Variants in RIMKLB observed in about 807,000 individuals in gnomAD.
The protein encoded by RIMKLB is ribosomal modification protein rimK like family member B, also known as beta-citrylglutamate synthase B.
Under a neutral mutation model 32.0 loss-of-function variants are expected in RIMKLB, and 7 were observed. The ratio of observed to expected loss-of-function variants is 0.22; its 90% confidence interval spans 0.12 to 0.41. The LOEUF is 0.41. RIMKLB is among the 10% of genes least tolerant of loss of function. The pLI is 1.00. For synonymous variants in RIMKLB, 172 were observed against 185.1 expected, an observed-to-expected ratio of 0.93 and a Z score of 0.57; for missense variants, 289 against 498.7, an observed-to-expected ratio of 0.58 and a Z score of 4.00.
intron 2 of RIMKLB, among the ~76,000 whole-genome samples, chr12:8,718,683 G>C (rs1945136857): frequency 6.6e-6 from 1 of 150,468 alleles, no homozygotes; most frequent in Non-Finnish European, 1.5e-5. Context: ...GTGTGTGTGT[G>C]TGTGTGTGTG....
In RIMKLB at chr12:8,734,093, A is replaced by T. The variant is rs180743268; in HGVS notation, c.176-15769A>T. On this transcript the variant is annotated intron_variant, in intron 2 of 5. Coordinates refer to ENST00000535829, the MANE Select transcript of RIMKLB (RefSeq NM_001297776.2). Reference sequence around the variant, plus strand: ...ATAAGGTACTTGGAGAACACAGAGGAATTATCTGGTAAGGCAAAGGAATGG... The same window carrying T: ...ATAAGGTACTTGGAGAACACAGAGGTATTATCTGGTAAGGCAAAGGAATGG... Among the ~76,000 whole-genome samples, 5 of 152,308 alleles carry T rather than the reference A, an allele frequency of 3.3e-5. No homozygotes were observed. In the East Asian group the frequency reaches 9.7e-4, roughly 29 times the overall value.
chr12:8,772,963 G>A (rs953808644), intron 5 of RIMKLB, among the ~76,000 whole-genome samples: 13 of 152,212 alleles, frequency 8.5e-5, no homozygotes, highest in Admixed American at 2.6e-4. Flanking sequence ...CCCATCCTCC[G>A]TTCTGTTATG....
At chr12:8,734,478 AC>A (rs1186973143) in intron 2 of RIMKLB, among the ~76,000 whole-genome samples, 18 of 152,168 alleles carry the variant, frequency 1.2e-4, no homozygotes, top group African/African-American at 4.3e-4. Context: ...TCACCTTAAT[AC>A]CTTTATTATG....
intron 5 of RIMKLB, among the ~76,000 whole-genome samples, chr12:8,755,402 C>G (rs1591917241): frequency 6.6e-6 from 1 of 152,110 alleles, no homozygotes; most frequent in Admixed American, 6.5e-5. Flanking sequence ...CATCCAGCCT[C>G]TCTCTATTGG....
chr12:8,729,058 CTT>C (rs1028708642), intron 2 of RIMKLB, among the ~76,000 whole-genome samples: 3 of 152,128 alleles, frequency 2.0e-5, no homozygotes, highest in African/African-American at 7.2e-5. Context: ...CAAGAGCAAA[CTT>C]CATACTGGCG....
rs989392663 is a variant in RIMKLB, at chr12:8,775,831, G to T, written c.*2047G>T. 9 of 984,778 alleles carry T rather than the reference G, an allele frequency of 9.1e-6. No homozygotes were observed. The highest frequency in any genetic ancestry group is 1.1e-5 in the Non-Finnish European group (9 of 829,354). The allele number at this position is 984,778 out of a possible 1,614,324, so 61.0% of individuals were successfully genotyped here. A position where few individuals can be genotyped will look rare whatever the true frequency, so the allele number is the denominator to read the frequency against. ...AAGAGGAGTTTGTAATTTATCTTAG[G>T]ATATTCTAATTGCATTTAAAAGAAC... On this transcript the variant is annotated 3_prime_UTR_variant, in exon 6 of 6. Coordinates refer to ENST00000535829, the MANE Select transcript of RIMKLB (RefSeq NM_001297776.2).
downstream of RIMKLB, chr12:8,777,494 A>C: frequency 8.9e-7 from 1 of 1,126,308 alleles, no homozygotes. Flanking sequence ...TATATTAATG[A>C]AAGTTTGGCC....
intron 2 of RIMKLB, among the ~76,000 whole-genome samples, chr12:8,719,108 T>G (rs1350828346): frequency 1.3e-5 from 2 of 152,182 alleles, no homozygotes; most frequent in Non-Finnish European, 2.9e-5. Flanking sequence ...ACCCTCTGAC[T>G]GTCTCCACAG....
At chr12:8,705,476 C>CA (rs10607711) in intron 1 of RIMKLB, among the ~76,000 whole-genome samples, 1,244 of 105,252 alleles carry the variant, frequency 0.012, 19 homozygotes, top group African/African-American at 0.027. Flanking sequence ...GACTCCATCT[C>CA]AAAAAAAAAA....
chr12:8,772,269 G>C (rs77223415), intron 5 of RIMKLB, among the ~76,000 whole-genome samples: 6 of 152,148 alleles, frequency 3.9e-5, no homozygotes, highest in African/African-American at 9.7e-5. Flanking sequence ...CTCTCAAAGC[G>C]ACTGTACTCT....
chr12:8,706,913 G>A (rs888108549), intron 1 of RIMKLB, among the ~76,000 whole-genome samples: 2 of 152,080 alleles, frequency 1.3e-5, no homozygotes, highest in Non-Finnish European at 2.9e-5. Flanking sequence ...ACCTGGATTC[G>A]GATGACATTT....
Position 8,709,878 on chromosome 12 carries a change from T to C in RIMKLB, c.-56-3933T>C, listed in dbSNP as rs185232593. On this transcript the variant is annotated intron_variant, in intron 1 of 5. Coordinates refer to ENST00000535829, the MANE Select transcript of RIMKLB (RefSeq NM_001297776.2). ...TATGTTTAGGAAAAAACATAGTATATGTACTATCTGCAGTTTCAGGCATCC... is the reference window on the plus strand; with the variant it reads ...TATGTTTAGGAAAAAACATAGTATACGTACTATCTGCAGTTTCAGGCATCC... Among the ~76,000 whole-genome samples the C allele has an allele frequency of 1.7e-3, 256 of 152,328 alleles. 3 individuals carry two copies. The East Asian group carries it at 0.045, about 27-fold the overall frequency.
At chr12:8,769,372 G>A (rs1950228067) in intron 5 of RIMKLB, among the ~76,000 whole-genome samples, 1 of 151,952 alleles carries the variant, frequency 6.6e-6, no homozygotes, top group Admixed American at 6.6e-5. Flanking sequence ...ATATACTCTG[G>A]TCAGGAGAAA....
chr12:8,781,916 T>C (rs903342559), downstream of RIMKLB, among the ~76,000 whole-genome samples: 1 of 152,086 alleles, frequency 6.6e-6, no homozygotes, highest in South Asian at 2.1e-4. Context: ...CAACTACTTA[T>C]TTAACTATAG....
At chr12:8,716,765 C>G (rs1944896345) in intron 2 of RIMKLB, among the ~76,000 whole-genome samples, 1 of 120,320 alleles carries the variant, frequency 8.3e-6, no homozygotes, top group African/African-American at 3.2e-5. Context: ...GAGACGGGGT[C>G]TCGCTCTGTC....
chr12:8,702,774 T>C (rs187043174), intron 1 of RIMKLB, among the ~76,000 whole-genome samples: 170 of 152,334 alleles, frequency 1.1e-3, no homozygotes, highest in African/African-American at 3.7e-3. Flanking sequence ...TAGTTAGCCA[T>C]ATCTGTAAAG....
intron 1 of RIMKLB, among the ~76,000 whole-genome samples, chr12:8,683,484 A>AT (rs1397160560): frequency 6.6e-6 from 1 of 152,060 alleles, no homozygotes; most frequent in Non-Finnish European, 1.5e-5. Context: ...TTATGTTTTA[A>AT]TTTTTATGCC....
At chr12:8,768,169 C>T (rs1950123597) in intron 5 of RIMKLB, among the ~76,000 whole-genome samples, 1 of 152,196 alleles carries the variant, frequency 6.6e-6, no homozygotes, top group Non-Finnish European at 1.5e-5. Context: ...GACTACTGTT[C>T]AGCTCGATTA....
At position 8,773,977 on chromosome 12, in the gene RIMKLB, A is replaced by T; in HGVS notation, c.*193A>T. 1 of 1,393,956 alleles carries T rather than the reference A, an allele frequency of 7.2e-7. No individual in the cohort carries two copies. The highest frequency in any genetic ancestry group is 2.6e-5 in the East Asian group (1 of 39,012). 86.3% of individuals were successfully genotyped at this position (1,393,956 alleles called of 1,614,324 possible). A position where few individuals can be genotyped will look rare whatever the true frequency, so the allele number is the denominator to read the frequency against. On this transcript the variant is annotated 3_prime_UTR_variant, in exon 6 of 6. Transcript: ENST00000535829. ...TGTTACTTTCATTTACAAATCCTAC[A>T]AATAGAGAGGCAGAATAGGTGGGGT...
Sources: gnomAD v4.1 joint callset for allele counts (sites outside exome capture counted in the v4.1 genomes callset) on GRCh38, gnomAD v4.1.1 for gene constraint, MANE v1.5 for transcripts, NCBI Gene and HGNC (gene_info 2026-07-23, HGNC 2026-07-21) for gene names.